Variants in IFT80 observed in about 807,000 individuals in gnomAD.
The protein encoded by IFT80 is intraflagellar transport protein 80 homolog.
Under a neutral mutation model 107.9 loss-of-function variants are expected in IFT80, and 79 were observed. The ratio of observed to expected loss-of-function variants is 0.73; its 90% CI spans 0.61 to 0.88. The LOEUF (loss-of-function observed/expected upper bound fraction) is 0.88, where lower values mean the gene tolerates loss of function less well. Ranked by LOEUF, IFT80 falls within the 40% of genes least tolerant of loss-of-function variation. The probability of loss-of-function intolerance (pLI) is 0.00; values close to 1 mark genes in which losing one functional copy is unlikely to be tolerated. For synonymous variants in IFT80, 299 were observed against 300.9 expected (o/e 0.99, Z 0.07); for missense variants, 797 against 914.2 (o/e 0.87, Z 1.65).
At chr3:160,381,861 A>T (rs1712544449) in intron 2 of IFT80, 137 bp from the exon 3 acceptor site, 2 of 698,384 alleles carry the variant, frequency 2.9e-6, no homozygotes, top group African/African-American at 3.8e-5. Flanking sequence ...CCATTTTATG[A>T]CTGGTATTTT....
chr3:160,284,963 A>G (rs1714978456), intron 13 of IFT80, among the ~76,000 whole-genome samples: 1 of 152,202 alleles, frequency 6.6e-6, no homozygotes, highest in Non-Finnish European at 1.5e-5. Context: ...GTGATGAATA[A>G]TAGGTATAGT....
chr3:160,293,570 G>C (rs1016216543), intron 12 of IFT80, among the ~76,000 whole-genome samples: 4 of 152,170 alleles, frequency 2.6e-5, no homozygotes, highest in Admixed American at 6.5e-5. Flanking sequence ...CCAGGGGGTG[G>C]TCTGTAGTTT....
chr3:160,283,038 T>C (rs761441154), intron 13 of IFT80, among the ~76,000 whole-genome samples: 1 of 152,156 alleles, frequency 6.6e-6, no homozygotes. Flanking sequence ...TGGAAATACA[T>C]CATGTGTCCA....
rs1304229370 is a variant in IFT80, at chr3:160,380,842, A to G, written c.259+661T>C. On this transcript the variant is annotated intron_variant, in intron 3 of 19. Transcript: ENST00000326448. Reference sequence around the variant, plus strand: ...TTTTAACAGATACCTTACTAAATGAATAGGTATATCTTTTCAGTGTGGTTA... The same window carrying G: ...TTTTAACAGATACCTTACTAAATGAGTAGGTATATCTTTTCAGTGTGGTTA... Among the ~76,000 whole-genome samples the G allele has an allele frequency of 2.0e-5, 3 of 152,286 alleles. No homozygotes were observed. In the East Asian group the frequency reaches 5.8e-4, roughly 29 times the overall value.
chr3:160,348,429 G>A (rs753670058), intron 8 of IFT80, among the ~76,000 whole-genome samples: 6 of 152,134 alleles, frequency 3.9e-5, no homozygotes, highest in Non-Finnish European at 8.8e-5. Flanking sequence ...CCTTCTCACA[G>A]ATAACACCTA....
chr3:160,374,528 AAAGAG>A (rs1711837122), intron 5 of IFT80, among the ~76,000 whole-genome samples: 1 of 152,214 alleles, frequency 6.6e-6, no homozygotes, highest in Non-Finnish European at 1.5e-5. Context: ...TTGATAGAAG[AAAGAG>A]AAAAGAAAGG....
At chr3:160,382,973 C>T (rs746236991) in intron 2 of IFT80, among the ~76,000 whole-genome samples, 20 of 152,094 alleles carry the variant, frequency 1.3e-4, no homozygotes, top group Non-Finnish European at 2.6e-4. Context: ...ACAGACCATT[C>T]CTGAAAAAAC....
Position 160,313,587 on chromosome 3 carries a change from A to G in IFT80, c.958-5806T>C, listed in dbSNP as rs561292845. On this transcript the variant is annotated intron_variant, in intron 9 of 19. Transcript: ENST00000326448. ...GTTTCAAAACTATGGCAAATTCCAC[A>G]TCAGAAATGTTCTGTGCTGAATTTT... Among the ~76,000 whole-genome samples the G allele has an allele frequency of 1.8e-3, 269 of 151,726 alleles. 1 individual carries two copies. Among genetic ancestry groups the G allele is most frequent in the Non-Finnish European group, 3.0e-3 (205 of 67,926 alleles).
chr3:160,337,849 T>A lies in IFT80; in HGVS notation c.778-17910A>T, dbSNP rs145925847. On this transcript the variant is annotated intron_variant, in intron 8 of 19. Transcript: ENST00000326448. ...TATAGTTTTCTTAGCATATATCAAG[T>A]GTTAGCCATCTGGGTCAATTTTCCT... 6.9e-3 allele frequency among the ~76,000 whole-genome samples: 1,052 copies of A among 152,304 alleles called. 2 individuals carry two copies. The highest frequency in any genetic ancestry group is 0.013 in the Non-Finnish European group (856 of 68,028).
At chr3:160,390,581 T>C (rs925883364) in intron 1 of IFT80, among the ~76,000 whole-genome samples, 1 of 152,186 alleles carries the variant, frequency 6.6e-6, no homozygotes, top group Admixed American at 6.5e-5. Flanking sequence ...GAAGAACTAA[T>C]GGTTTAAGAT....
intron 8 of IFT80, among the ~76,000 whole-genome samples, chr3:160,331,557 A>G (rs1466380544): frequency 3.9e-5 from 6 of 152,280 alleles, no homozygotes; most frequent in Admixed American, 2.0e-4. Context: ...AAAATTTCCC[A>G]ATTGTCATTT....
intron 9 of IFT80, among the ~76,000 whole-genome samples, chr3:160,312,386 A>G (rs1038116034): frequency 6.6e-6 from 1 of 150,658 alleles, no homozygotes; most frequent in African/African-American, 2.4e-5. Context: ...AGACACTTGG[A>G]TCTAGTCCCT....
intron 8 of IFT80, among the ~76,000 whole-genome samples, chr3:160,325,709 T>A (rs1289233543): frequency 6.6e-6 from 1 of 152,128 alleles, no homozygotes; most frequent in Non-Finnish European, 1.5e-5. Flanking sequence ...AACACGAAAT[T>A]CATTTATGTT....
At chr3:160,365,161 C>T (rs1217637341) in intron 6 of IFT80, among the ~76,000 whole-genome samples, 1 of 151,998 alleles carries the variant, frequency 6.6e-6, no homozygotes, top group Non-Finnish European at 1.5e-5. Context: ...CAAAACTAGT[C>T]CTCTTTCCCA....
At chr3:160,383,822 A>C (rs1252093893) in intron 2 of IFT80, 1 of 985,338 alleles carries the variant, frequency 1.0e-6, no homozygotes, top group African/African-American at 1.7e-5. Flanking sequence ...CCCATGTGAA[A>C]TAATGAGGAT....
intron 5 of IFT80, among the ~76,000 whole-genome samples, chr3:160,374,286 G>A (rs1159273866): frequency 2.0e-5 from 3 of 151,836 alleles, no homozygotes; most frequent in African/African-American, 4.8e-5. Flanking sequence ...CTCTACACAT[G>A]TACTCCCAGC....
At chr3:160,301,067 A>G in intron 11 of IFT80, 21 bp from the exon 12 acceptor site, 1 of 1,549,464 alleles carries the variant, frequency 6.5e-7, no homozygotes, top group Non-Finnish European at 8.9e-7. Context: ...AAGAATAGAA[A>G]TAGATTCTCA....
At chr3:160,346,805 G>T (rs1158868766) in intron 8 of IFT80, among the ~76,000 whole-genome samples, 1 of 151,710 alleles carries the variant, frequency 6.6e-6, no homozygotes, top group Non-Finnish European at 1.5e-5. Context: ...TTTAATACAC[G>T]GCCAGACCAC....
chr3:160,292,095 C>T (rs951726632), intron 12 of IFT80, among the ~76,000 whole-genome samples: 3 of 152,192 alleles, frequency 2.0e-5, no homozygotes, highest in African/African-American at 7.2e-5. Flanking sequence ...TGGACTCATG[C>T]CAGTAGCCCT....
Sources: gnomAD v4.1 joint callset for allele counts (sites outside exome capture counted in the v4.1 genomes callset) on GRCh38, gnomAD v4.1.1 for gene constraint, MANE v1.5 for transcripts, NCBI Gene and HGNC (gene_info 2026-07-23, HGNC 2026-07-21) for gene names.